PTPRD: variants seen among roughly 807,000 people sequenced by gnomAD.
PTPRD encodes the protein protein tyrosine phosphatase receptor type D, also known as receptor-type tyrosine-protein phosphatase delta.
A neutral mutation model predicts 214.5 loss-of-function variants in PTPRD; 34 were observed. The observed-to-expected ratio is 0.16, with a 90% confidence interval of 0.12 to 0.21. The LOEUF is 0.21. Among genes scored for constraint, PTPRD ranks in the 10% least tolerant of loss-of-function variants. The pLI is 1.00. For missense variants in PTPRD, 2,545 were observed against 2,398.7 expected, an observed-to-expected ratio of 1.06 and a Z score of -1.27; for synonymous variants, 1,128 against 845.7, an observed-to-expected ratio of 1.33 and a Z score of -5.79.
intron 3 of PTPRD, among the ~76,000 whole-genome samples, chr9:10,194,033 A>C (rs1412831602): frequency 6.6e-6 from 1 of 152,078 alleles, no homozygotes; most frequent in Non-Finnish European, 1.5e-5. Context: ...CTTTCTCCAA[A>C]GTACTTCTAA....
chr9:9,466,393 ATATAC>A (rs1254704577), intron 8 of PTPRD, among the ~76,000 whole-genome samples: 3 of 152,228 alleles, frequency 2.0e-5, no homozygotes, highest in South Asian at 4.1e-4. Context: ...ATTATGAATC[ATATAC>A]TATACAATTC....
intron 8 of PTPRD, among the ~76,000 whole-genome samples, chr9:9,569,892 G>C (rs1337349320): frequency 6.6e-6 from 1 of 151,478 alleles, no homozygotes; most frequent in Non-Finnish European, 1.5e-5. Flanking sequence ...GTGTGAAGAG[G>C]TGATAATCCA....
chr9:9,644,228 T>G (rs1366494736), intron 7 of PTPRD, among the ~76,000 whole-genome samples: 2 of 152,158 alleles, frequency 1.3e-5, no homozygotes, highest in African/African-American at 2.4e-5. Context: ...CATTTTGCTT[T>G]TCCCTTGTGC....
intron 9 of PTPRD, among the ~76,000 whole-genome samples, chr9:9,212,405 C>G (rs2099949365): frequency 6.6e-6 from 1 of 152,142 alleles, no homozygotes; most frequent in South Asian, 2.1e-4. Flanking sequence ...CTTCCAGCTA[C>G]TCTCTACACA....
intron 5 of PTPRD, among the ~76,000 whole-genome samples, chr9:9,935,166 A>C (rs1483516400): frequency 1.3e-5 from 2 of 151,976 alleles, no homozygotes; most frequent in East Asian, 3.9e-4. Context: ...AACTGGCACA[A>C]GACAGGGATG....
At chr9:9,432,983 A>G (rs1276534457) in intron 8 of PTPRD, among the ~76,000 whole-genome samples, 1 of 152,098 alleles carries the variant, frequency 6.6e-6, no homozygotes, top group Non-Finnish European at 1.5e-5. Flanking sequence ...TGAAATAGTC[A>G]CTGTGGTAGA....
At chr9:9,847,236 C>A (rs1021841386) in intron 5 of PTPRD, among the ~76,000 whole-genome samples, 1 of 152,048 alleles carries the variant, frequency 6.6e-6, no homozygotes, top group African/African-American at 2.4e-5. Context: ...TGGCTCTATA[C>A]CCCAAAAGTG....
intron 5 of PTPRD, among the ~76,000 whole-genome samples, chr9:9,825,887 C>T (rs993048397): frequency 2.0e-5 from 3 of 151,616 alleles, no homozygotes; most frequent in Admixed American, 6.6e-5. Context: ...CCAAATGACA[C>T]ATTTATTCTT....
rs570792809 is a variant in PTPRD at position 8,875,414 on chromosome 9, G to A, written c.-103-141468C>T. Among the ~76,000 whole-genome samples, 3 of 152,152 alleles carry A rather than the reference G, an allele frequency of 2.0e-5. No individual in the cohort carries two copies. In the South Asian group the frequency reaches 6.2e-4, roughly 32 times the overall value. On this transcript the variant is annotated intron_variant, in intron 11 of 45. Transcript: ENST00000381196. Reference sequence around the variant, plus strand: ...ATAGTGGCACATTCCTGTAGTCCCAGCTACAAACCAGGAAATTCTAGTATA... The same window carrying A: ...ATAGTGGCACATTCCTGTAGTCCCAACTACAAACCAGGAAATTCTAGTATA...
intron 2 of PTPRD, among the ~76,000 whole-genome samples, chr9:10,417,039 G>A (rs2098497963): frequency 6.6e-6 from 1 of 151,880 alleles, no homozygotes; most frequent in South Asian, 2.1e-4. Flanking sequence ...TGTTGATGAA[G>A]ACAGTGGAAT....
rs1353708303 is a variant in PTPRD at position 8,331,802 on chromosome 9, G to A, written c.5380-66C>T. 7 of 1,485,484 alleles carry A rather than the reference G, an allele frequency of 4.7e-6. No individual in the cohort carries two copies. In the East Asian group the frequency reaches 1.4e-4, roughly 30 times the overall value. 92.0% of individuals were successfully genotyped at this position (1,485,484 alleles called of 1,614,324 possible). A position where few individuals can be genotyped will look rare whatever the true frequency, so the allele number is the denominator to read the frequency against. On this transcript the variant is annotated intron_variant, in intron 43 of 45. Transcript: ENST00000381196. ...GCCAGGAGGATTCAGCAAGCATACG[G>A]ACCACAAGAACAATCATTTTCATTT...
chr9:8,364,702 T>G (rs1009080058), intron 39 of PTPRD, among the ~76,000 whole-genome samples: 2 of 152,248 alleles, frequency 1.3e-5, no homozygotes, highest in African/African-American at 4.8e-5. Flanking sequence ...TTTATCTATC[T>G]CTGACATCTT....
chr9:8,490,047 C>T (rs530609072), intron 27 of PTPRD, among the ~76,000 whole-genome samples: 1 of 152,252 alleles, frequency 6.6e-6, no homozygotes, highest in South Asian at 2.1e-4. Flanking sequence ...CTGTAGACTA[C>T]TTTTATAAGT....
intron 5 of PTPRD, among the ~76,000 whole-genome samples, chr9:9,891,214 G>T (rs1441064803): frequency 6.6e-6 from 1 of 152,092 alleles, no homozygotes; most frequent in African/African-American, 2.4e-5. Flanking sequence ...ATCCAACTCA[G>T]ATTTAACTTT....
intron 9 of PTPRD, among the ~76,000 whole-genome samples, chr9:9,392,659 C>T (rs1006116507): frequency 1.3e-5 from 2 of 152,040 alleles, no homozygotes; most frequent in Non-Finnish European, 2.9e-5. Context: ...TCTGAATTTT[C>T]GAACTTTGAA....
At chr9:9,140,607 C>G (rs1409433128) in intron 10 of PTPRD, among the ~76,000 whole-genome samples, 1 of 152,164 alleles carries the variant, frequency 6.6e-6, no homozygotes, top group African/African-American at 2.4e-5. Context: ...GAGACGGAGT[C>G]TCGCTCTGTC....
At chr9:9,617,108 G>T (rs540255420) in intron 7 of PTPRD, among the ~76,000 whole-genome samples, 1 of 152,194 alleles carries the variant, frequency 6.6e-6, no homozygotes, top group South Asian at 2.1e-4. Flanking sequence ...GTGATGCTGA[G>T]CTTAATTGTA....
intron 5 of PTPRD, among the ~76,000 whole-genome samples, chr9:9,849,268 G>C (rs532575819): frequency 1.3e-5 from 2 of 151,950 alleles, no homozygotes; most frequent in East Asian, 1.9e-4. Flanking sequence ...TATAAGGAGA[G>C]CTTTAGGAAG....
intron 11 of PTPRD, among the ~76,000 whole-genome samples, chr9:8,968,797 T>C (rs1017946283): frequency 2.0e-5 from 3 of 152,046 alleles, no homozygotes; most frequent in African/African-American, 7.2e-5. Context: ...GACATAGATA[T>C]GAGAAAGTAC....
Sources: gnomAD v4.1 joint callset for allele counts (sites outside exome capture counted in the v4.1 genomes callset) on GRCh38, gnomAD v4.1.1 for gene constraint, MANE v1.5 for transcripts, NCBI Gene and HGNC (gene_info 2026-07-23, HGNC 2026-07-21) for gene names.